MYT1: variants seen among roughly 807,000 people sequenced by gnomAD.
MYT1 encodes the protein myelin transcription factor I.
MYT1 carries 23 observed loss-of-function variants against 123.0 expected under a neutral mutation model. That is an observed-to-expected ratio of 0.19 (90% CI 0.13 to 0.26). MYT1 has a LOEUF of 0.26. Among genes scored for constraint, MYT1 ranks in the 10% least tolerant of loss-of-function variants. The pLI is 1.00. For synonymous variants in MYT1, 518 were observed against 575.3 expected (o/e 0.90, Z 1.43); for missense variants, 1,125 against 1,472.5 (o/e 0.76, Z 3.86).
At chr20:64,229,203 G>T (rs1417006849) in intron 18 of MYT1, among the ~76,000 whole-genome samples, 1 of 152,190 alleles carries the variant, frequency 6.6e-6, no homozygotes, top group Non-Finnish European at 1.5e-5. Context: ...TTGGTTGTTA[G>T]TACTATGAAG....
intron 13 of MYT1, among the ~76,000 whole-genome samples, chr20:64,220,940 C>CCCCTATGAAGGGTGGGGGCTGGATCAGG (rs1983984837): frequency 3.2e-5 from 1 of 31,148 alleles, no homozygotes; most frequent in African/African-American, 2.6e-4. Flanking sequence ...CTGGATCAGG[C>CCCCTATGAAGGGTGGGGGCTGGATCAGG]CCCCTCCACA....
chr20:64,181,022 T>C (rs1334797098), intron 1 of MYT1, among the ~76,000 whole-genome samples: 1 of 152,212 alleles, frequency 6.6e-6, no homozygotes, highest in Non-Finnish European at 1.5e-5. Flanking sequence ...TGAAGTTGAA[T>C]GTCAACTCCC....
rs2057568371 is a variant in MYT1 at position 64,203,332 on chromosome 20, G to T, written c.87-1703G>T. ...CTTAGCTTCAAATCCCCATTAACAA[G>T]GAGCTTTTTTGTGAAAAGTCCCAAA... On this transcript the variant is annotated intron_variant, in intron 4 of 22. Coordinates refer to ENST00000328439, the MANE Select transcript of MYT1 (RefSeq NM_004535.3). This position sits in a 1 kb window ranked among gnomAD's most constrained non-coding sequence, Gnocchi z 5.1. Among the ~76,000 whole-genome samples, 1 of 152,216 alleles carries T rather than the reference G, an allele frequency of 6.6e-6. No individual in the cohort carries two copies. The highest frequency in any genetic ancestry group is 2.4e-5 in the African/African-American group (1 of 41,448).
At chr20:64,215,996 C>T (rs1176162023) in intron 10 of MYT1, among the ~76,000 whole-genome samples, 1 of 152,162 alleles carries the variant, frequency 6.6e-6, no homozygotes, top group Non-Finnish European at 1.5e-5. Flanking sequence ...CCCACCCTTC[C>T]TGGAGAAGGA....
chr20:64,190,619 G>A lies in MYT1; in HGVS notation c.-1+459G>A, dbSNP rs1485510405. Among the ~76,000 whole-genome samples the A allele has an allele frequency of 1.3e-5, 2 of 150,994 alleles. No individual in the cohort carries two copies. The highest frequency in any genetic ancestry group is 2.1e-4 in the South Asian group (1 of 4,802). On this transcript the variant is annotated intron_variant, in intron 2 of 22. Coordinates refer to ENST00000328439, the MANE Select transcript of MYT1 (RefSeq NM_004535.3). The surrounding 1 kb of genome is among the most constrained non-coding windows in gnomAD (Gnocchi z 4.1). ...GATCACTTGAGCCTGGGAAGTCAAG[G>A]CTGCAGTGAGCTGAGATTGTGCCAC... is the stretch of plus-strand genomic sequence containing the variant.
Position 64,208,054 on chromosome 20 carries a change from A to AGAGGAG in MYT1, c.867_872dup (p.Glu305_Glu306dup). Reference sequence around the variant, plus strand: ...AAGAGGAAGAGGAGGAGGAAGAGGAAGAGGAGGAGGAGGAAGAGGAAGAGG... The same window carrying AGAGGAG: ...AAGAGGAAGAGGAGGAGGAAGAGGAAGAGGAGGAGGAGGAGGAGGAAGAGGAAGAGG... On this transcript the variant is annotated inframe_insertion, in exon 7 of 23. Transcript: ENST00000328439. The surrounding 1 kb of genome is among the most constrained non-coding windows in gnomAD (Gnocchi z 5.4). 1 of 1,589,588 alleles carries AGAGGAG rather than the reference A, an allele frequency of 6.3e-7. No homozygotes were observed. Among genetic ancestry groups the AGAGGAG allele is most frequent in the South Asian group, 1.1e-5 (1 of 87,878 alleles).
rs777361969 is a variant in MYT1, at chr20:64,237,410, G to A, written c.3093+20G>A. On this transcript the variant is annotated intron_variant, in intron 21 of 22. Coordinates refer to ENST00000328439, the MANE Select transcript of MYT1 (RefSeq NM_004535.3). ...TCCCAGGTAGGTGGTGCCGCCCCCC[G>A]CTCCTGGGCTCTTTGCCCACCCAAC... 28 of 1,564,338 alleles carry A rather than the reference G, an allele frequency of 1.8e-5. No homozygotes were observed. The highest frequency in any genetic ancestry group is 3.7e-5 in the Admixed American group (2 of 53,974).
rs780865982 is a variant in MYT1 at position 64,207,887 on chromosome 20, C to T, written c.691C>T (p.Arg231Cys). Residue 231 changes from arginine (R) to cysteine (C), a missense_variant, in exon 7 of 23, where the codon CGC becomes TGC. This residue lies in a region of MYT1 where 406 missense variants were observed against 432.2 expected (regional missense o/e 0.94). Transcript: ENST00000328439. ...AEEVVEVTTE[R>C]SQDLCPQSLE... ...GGAGGTCGTCGAAGTCACCACCGAG[C>T]GCTCCCAGGACCTGTGTCCCCAGTC... 1.5e-5 allele frequency: 24 copies of T among 1,612,814 alleles called. No homozygotes were observed. The highest frequency in any genetic ancestry group is 6.7e-5 in the East Asian group (3 of 44,814).
In MYT1 at chr20:64,205,619, C is replaced by T. The variant is rs112888597; in HGVS notation, c.216C>T (p.Ser72=). 4.6e-5 allele frequency: 74 copies of T among 1,614,136 alleles called. 2 individuals are homozygous for T. In the African/African-American group the frequency reaches 7.1e-4, roughly 15 times the overall value. The change falls in exon 6 of 23, where the codon TCC becomes TCT. Residue 72 remains serine, a synonymous_variant. Coordinates refer to ENST00000328439, the MANE Select transcript of MYT1 (RefSeq NM_004535.3). Reference sequence around the variant, plus strand: ...GCGCTGAGGCTGAGCACCTGGTGTCCAAGAGGAAGTCACACCCCCTGAAGC... The same window carrying T: ...GCGCTGAGGCTGAGCACCTGGTGTCTAAGAGGAAGTCACACCCCCTGAAGC... The part of the protein sequence containing the change: ...LEGAEAEHLV[S]KRKSHPLKLA...
rs745797117 is a variant in MYT1 at position 64,205,104 on chromosome 20, G to A, written c.149+7G>A. 1.4e-5 allele frequency: 22 copies of A among 1,613,874 alleles called. No homozygotes were observed. Among genetic ancestry groups the A allele is most frequent in the Non-Finnish European group, 1.6e-5 (19 of 1,180,004 alleles). ...AGTACTCCAGGCACCGAAGGTAAGA[G>A]GACCCTTGGATCTCACGGAGATTCC... On this transcript the variant is annotated splice_region_variant and intron_variant, in intron 5 of 22. Transcript: ENST00000328439.
Position 64,222,039 on chromosome 20 carries a change from G to C in MYT1, c.2388G>C (p.Glu796Asp). Residue 796 changes from glutamate (E) to aspartate (D), a missense_variant, in exon 14 of 23, where the codon GAG (glutamate) becomes GAC (aspartate). Physicochemically the swap from Glu to Asp is conservative, Grantham distance 45 (BLOSUM62 2). Around this residue, in one of 4 missense-constraint regions of MYT1, gnomAD observed 47 missense variants for 113.1 expected, o/e 0.42. Transcript: ENST00000328439. Reference protein sequence around the residue: ...LKFLSKDIKKELLTCPTPGCD... With the variant: ...LKFLSKDIKKDLLTCPTPGCD... Reference sequence around the variant, plus strand: ...TTCTCTCCAAGGACATAAAGAAGGAGCTGCTCACGTAAGTCCCTGTTTGGC... The same window carrying C: ...TTCTCTCCAAGGACATAAAGAAGGACCTGCTCACGTAAGTCCCTGTTTGGC... 1 of 1,612,582 alleles carries C rather than the reference G, an allele frequency of 6.2e-7. No individual in the cohort carries two copies. Among genetic ancestry groups the C allele is most frequent in the Non-Finnish European group, 8.5e-7 (1 of 1,179,970 alleles).
intron 19 of MYT1, among the ~76,000 whole-genome samples, chr20:64,236,353 G>A (rs1369083801): frequency 6.8e-6 from 1 of 148,032 alleles, no homozygotes; most frequent in Non-Finnish European, 1.5e-5. Flanking sequence ...GGGTGACCCT[G>A]GGATGGCCGC....
At chr20:64,222,535 G>C (rs1325991600) in intron 14 of MYT1, among the ~76,000 whole-genome samples, 2 of 152,240 alleles carry the variant, frequency 1.3e-5, no homozygotes, top group Non-Finnish European at 2.9e-5. Context: ...GCATGGGGTT[G>C]GAACAGACAG....
chr20:64,182,492 C>T (rs1270023076), intron 1 of MYT1, among the ~76,000 whole-genome samples: 2 of 152,240 alleles, frequency 1.3e-5, no homozygotes, highest in East Asian at 1.9e-4. Flanking sequence ...TTCTGGGTCC[C>T]GATGCCTCCT....
intron 2 of MYT1, 129 bp from the exon 3 acceptor site, chr20:64,198,733 C>A: frequency 1.0e-6 from 1 of 957,426 alleles, no homozygotes; most frequent in Non-Finnish European, 1.6e-6. Context: ...CCATCCTTGT[C>A]ATTCTGTGCC....
At position 64,213,912 on chromosome 20, in the gene MYT1, T is replaced by C. The variant is rs1044924526; in HGVS notation, c.1631+265T>C. On this transcript the variant is annotated intron_variant, in intron 10 of 22. Transcript: ENST00000328439. The surrounding 1 kb of genome is among the most constrained non-coding windows in gnomAD (Gnocchi z 5.6). ...AGCCAAAGCGCAAACTCCTGCACAGTTGCCTCTGCCTCCGACATGGGGCTC... is the reference window on the plus strand; with the variant it reads ...AGCCAAAGCGCAAACTCCTGCACAGCTGCCTCTGCCTCCGACATGGGGCTC... Among the ~76,000 whole-genome samples the C allele has an allele frequency of 1.3e-5, 2 of 151,772 alleles. No individual in the cohort carries two copies. The highest frequency in any genetic ancestry group is 2.4e-5 in the African/African-American group (1 of 41,408).
At chr20:64,211,095 C>A in intron 7 of MYT1, 111 bp from the exon 8 acceptor site, 2 of 1,250,022 alleles carry the variant, frequency 1.6e-6, no homozygotes, top group Non-Finnish European at 2.2e-6. Flanking sequence ...TGGGCAGTCT[C>A]GCCTCCCTTC....
chr20:64,239,000 C>G (rs1216852202), intron 21 of MYT1, among the ~76,000 whole-genome samples: 1 of 152,222 alleles, frequency 6.6e-6, no homozygotes, highest in Non-Finnish European at 1.5e-5. Context: ...TTGACCCCAT[C>G]CACAGCCTCC....
rs147883814 is a variant in MYT1 at position 64,212,769 on chromosome 20, G to A, written c.1517+631G>A. ...GAAGCTTCCCGACCACCCTCGAGGT[G>A]TAGTTGTTGACTGGTCTTCTATGGT... On this transcript the variant is annotated intron_variant, in intron 9 of 22. Transcript: ENST00000328439. This position sits in a 1 kb window ranked among gnomAD's most constrained non-coding sequence, Gnocchi z 6.8. Among the ~76,000 whole-genome samples, 2 of 152,208 alleles carry A rather than the reference G, an allele frequency of 1.3e-5. No individual in the cohort carries two copies. Among genetic ancestry groups the A allele is most frequent in the African/African-American group, 4.8e-5 (2 of 41,526 alleles).
Sources: gnomAD v4.1 joint callset for allele counts (sites outside exome capture counted in the v4.1 genomes callset) on GRCh38, gnomAD v4.1.1 for gene constraint, gnomAD v4.1.1 regional missense constraint, Gnocchi (gnomAD v3.1) non-coding constraint, MANE v1.5 for transcripts, NCBI Gene and HGNC (gene_info 2026-07-23, HGNC 2026-07-21) for gene names.